The following ADAD2 variants were observed in gnomAD, a reference collection of about 807,000 sequenced individuals.
ADAD2 encodes the protein adenosine deaminase domain-containing protein 2.
A neutral mutation model predicts 54.5 loss-of-function variants in ADAD2; 60 were observed. The ratio of observed to expected loss-of-function variants is 1.10; its 90% CI spans 0.89 to 1.36. The LOEUF (loss-of-function observed/expected upper bound fraction) is 1.36. Ranked by LOEUF, ADAD2 falls within the 40% of genes most tolerant of loss-of-function variation. The pLI, the probability that ADAD2 is intolerant of heterozygous loss-of-function variation, is 0.00. For synonymous variants in ADAD2, 543 were observed against 366.2 expected, an observed-to-expected ratio of 1.48 and a Z score of -5.51; for missense variants, 1,103 against 801.3, an observed-to-expected ratio of 1.38 and a Z score of -4.54.
In ADAD2 at chr16:84,191,646, C is replaced by G. The variant is rs1304451070; in HGVS notation, c.416C>G (p.Pro139Arg). The change falls in exon 1 of 10, where the codon CCA (proline) becomes CGA (arginine). Residue 139 changes from proline (P) to arginine (R), a missense_variant and splice_region_variant. Physicochemically the swap from Pro to Arg is moderately radical, Grantham distance 103 (BLOSUM62 -2). Transcript: ENST00000315906. ...CTGCTCTTCCGGGAGGACCAGCCACCAGGTGAGGCCGGGCCGGGGCATGGC... is the reference window on the plus strand; with the variant it reads ...CTGCTCTTCCGGGAGGACCAGCCACGAGGTGAGGCCGGGCCGGGGCATGGC... ...IFLLFREDQP[P>R]GPCFPFSVSA... is the part of the protein sequence containing the mutation. 1 of 1,557,500 alleles carries G rather than the reference C, an allele frequency of 6.4e-7. No homozygotes were observed. The highest frequency in any genetic ancestry group is 8.7e-7 in the Non-Finnish European group (1 of 1,151,082).
chr16:84,191,457 G>A lies in ADAD2; in HGVS notation c.227G>A (p.Gly76Glu). 2.0e-6 allele frequency: 3 copies of A among 1,527,884 alleles called. No individual in the cohort carries two copies. In the South Asian group the frequency reaches 3.6e-5, roughly 18 times the overall value. The allele number at this position is 1,527,884 out of a possible 1,614,324, so 94.6% of individuals were successfully genotyped here. ...DSGPGAGAGV[G>E]ELGAARAWEN... ...GGGCCTGGGGCAGGGGCCGGAGTCG[G>A]GGAACTGGGGGCAGCCCGGGCGTGG... The change falls in exon 1 of 10, where the codon GGG becomes GAG. Residue 76 changes from glycine (G) to glutamate (E), a missense_variant. Physicochemically the swap from Gly to Glu is moderately conservative, Grantham distance 98. Coordinates refer to ENST00000315906, the MANE Select transcript of ADAD2 (RefSeq NM_001145400.2).
chr16:84,193,459 T>G (rs2151326544), intron 1 of ADAD2: 1 of 152,822 alleles, frequency 6.5e-6, no homozygotes, highest in East Asian at 1.9e-4. Flanking sequence ...TCAGGTGATG[T>G]GTTATTGAAG....
chr16:84,195,065 G>T lies in ADAD2; in HGVS notation c.608-4G>T. 2.5e-6 allele frequency: 4 copies of T among 1,613,110 alleles called. No homozygotes were observed. The highest frequency in any genetic ancestry group is 1.1e-5 in the South Asian group (1 of 90,992). Reference sequence around the variant, plus strand: ...TCTACCTGCAGTCTCTCGCCCTGGCGCAGAGAACATCCTGACCCATGAGCA... The same window carrying T: ...TCTACCTGCAGTCTCTCGCCCTGGCTCAGAGAACATCCTGACCCATGAGCA... On this transcript the variant is annotated splice_polypyrimidine_tract_variant and splice_region_variant and intron_variant, in intron 3 of 9. Coordinates refer to ENST00000315906, the MANE Select transcript of ADAD2 (RefSeq NM_001145400.2).
Position 84,196,713 on chromosome 16 carries a change from C to A in ADAD2, c.1593C>A (p.Ala531=). 1 of 1,613,238 alleles carries A rather than the reference C, an allele frequency of 6.2e-7. No individual in the cohort carries two copies. Among genetic ancestry groups the A allele is most frequent in the Non-Finnish European group, 8.5e-7 (1 of 1,179,976 alleles). ...TTCTCCGGGCCTTTCACCAGGCGGC[C>A]AGGGCTGTGGGGAAGCCCTACCTCC... ...ASFLRAFHQA[A]RAVGKPYLLA... is the part of the protein sequence containing the mutation. Residue 531 remains alanine, a synonymous_variant, in exon 9 of 10, where the codon GCC becomes GCA. Transcript: ENST00000315906.
In ADAD2 at chr16:84,195,668, C is replaced by T; in HGVS notation, c.1023C>T (p.Asn341=). The change falls in exon 6 of 10, where the codon AAC becomes AAT. Residue 341 remains asparagine, a synonymous_variant. Transcript: ENST00000315906. ...PRVFLHLYIS[N]TPKGAARDIY... is the part of the protein sequence containing the mutation. ...TCTTCCTGCACCTCTACATCAGCAA[C>T]ACCCCCAAGGGCGCGGCCCGTGACA... The T allele has an allele frequency of 6.3e-7, 1 of 1,580,176 alleles. No individual in the cohort carries two copies. Among genetic ancestry groups the T allele is most frequent in the South Asian group, 1.2e-5 (1 of 86,020 alleles).
At position 84,195,822 on chromosome 16, in the gene ADAD2, C is replaced by G. The variant is rs2089721509; in HGVS notation, c.1060C>G (p.Pro354Ala). The G allele has an allele frequency of 4.4e-6, 7 of 1,604,492 alleles. No individual in the cohort carries two copies. Among genetic ancestry groups the G allele is most frequent in the Non-Finnish European group, 3.4e-6 (4 of 1,176,264 alleles). Residue 354 changes from proline to alanine, a missense_variant, in exon 7 of 10, where the codon CCC (proline) becomes GCC (alanine). Physicochemically the swap from Pro to Ala is conservative, Grantham distance 27. Transcript: ENST00000315906. ...TCCCCACCCGGCCCGCAGCCTGCCC[C>G]CCACCTCGGAAGGTGGCCTCCCGCA... ...KGAARDIYLPPTSEGGLPHSP... is the reference protein window; with the variant it reads ...KGAARDIYLPATSEGGLPHSP...
Position 84,191,204 on chromosome 16 carries a change from TA to T in ADAD2, c.-26del. ...GGCGAGAGCAGCGCGAGATAGGGCC[TA>T]GCGCCTCAGATCTTCGTTGGCGGCC... is the stretch of plus-strand genomic sequence containing the variant. On this transcript the variant is annotated 5_prime_UTR_variant, in exon 1 of 10. Coordinates refer to ENST00000315906, the MANE Select transcript of ADAD2 (RefSeq NM_001145400.2). The T allele has an allele frequency of 6.2e-7, 1 of 1,601,372 alleles. No homozygotes were observed. The highest frequency in any genetic ancestry group is 8.5e-7 in the Non-Finnish European group (1 of 1,172,760).
Position 84,195,929 on chromosome 16 carries a change from C to G in ADAD2, c.1167C>G (p.Thr389=), listed in dbSNP as rs1434865852. 3 of 1,599,750 alleles carry G rather than the reference C, an allele frequency of 1.9e-6. No individual in the cohort carries two copies. Among genetic ancestry groups the G allele is most frequent in the East Asian group, 2.2e-5 (1 of 44,818 alleles). The change falls in exon 7 of 10, where the codon ACC becomes ACG. Residue 389 remains threonine, a synonymous_variant. Coordinates refer to ENST00000315906, the MANE Select transcript of ADAD2 (RefSeq NM_001145400.2). Reference sequence around the variant, plus strand: ...ACGTGGCGCCCTCGCTCTGTGACACCCACGTGGGCTGCCTGTCAGCCAGTG... The same window carrying G: ...ACGTGGCGCCCTCGCTCTGTGACACGCACGTGGGCTGCCTGTCAGCCAGTG... The part of the protein sequence containing the change: ...VCYVAPSLCD[T]HVGCLSASDK...
intron 1 of ADAD2, chr16:84,194,054 T>A: frequency 6.2e-7 from 1 of 1,607,702 alleles, no homozygotes; most frequent in Non-Finnish European, 8.5e-7. Flanking sequence ...TTGAAAGCAA[T>A]GTGTCTGTGG....
intron 1 of ADAD2, chr16:84,193,867 G>C: frequency 1.1e-6 from 1 of 920,840 alleles, no homozygotes; most frequent in Non-Finnish European, 1.6e-6. Context: ...AACCCCCAGA[G>C]GGGCAGTCCT....
At chr16:84,194,028 C>G in intron 1 of ADAD2, 3 of 1,600,786 alleles carry the variant, frequency 1.9e-6, no homozygotes, top group Non-Finnish European at 2.6e-6. Flanking sequence ...AATATAGAGC[C>G]CCTGGAGGAG....
At position 84,195,911 on chromosome 16, in the gene ADAD2, G is replaced by T. The variant is rs567274782; in HGVS notation, c.1149G>T (p.Ala383=). The change falls in exon 7 of 10, where the codon GCG becomes GCT. Residue 383 remains alanine, a synonymous_variant. Coordinates refer to ENST00000315906, the MANE Select transcript of ADAD2 (RefSeq NM_001145400.2). The part of the protein sequence containing the change: ...LGQLKPVCYV[A]PSLCDTHVGC... ...AGCTGAAGCCTGTGTGCTACGTGGCGCCCTCGCTCTGTGACACCCACGTGG... is the reference window on the plus strand; with the variant it reads ...AGCTGAAGCCTGTGTGCTACGTGGCTCCCTCGCTCTGTGACACCCACGTGG... The T allele has an allele frequency of 1.9e-6, 3 of 1,600,626 alleles. No individual in the cohort carries two copies. The highest frequency in any genetic ancestry group is 2.5e-6 in the Non-Finnish European group (3 of 1,179,614).
rs138265121 is a variant in ADAD2, at chr16:84,196,225, C to G, written c.1381C>G (p.Arg461Gly). The G allele has an allele frequency of 6.2e-7, 1 of 1,611,284 alleles. No individual in the cohort carries two copies. Among genetic ancestry groups the G allele is most frequent in the African/African-American group, 1.3e-5 (1 of 74,892 alleles). The change falls in exon 8 of 10, where the codon CGG (arginine) becomes GGG (glycine). Residue 461 changes from arginine (R) to glycine (G), a missense_variant. Coordinates refer to ENST00000315906, the MANE Select transcript of ADAD2 (RefSeq NM_001145400.2). ...LGPCLPPPYV[R>G]TALHLFAGPP... Reference sequence around the variant, plus strand: ...GCCATGCCTGCCACCTCCCTACGTCCGGACCGCCCTGCACCTGTTTGCAGG... The same window carrying G: ...GCCATGCCTGCCACCTCCCTACGTCGGGACCGCCCTGCACCTGTTTGCAGG...
chr16:84,195,707 G>GC lies in ADAD2; in HGVS notation c.1052+15dup, dbSNP rs758700262. 5 of 1,534,632 alleles carry GC rather than the reference G, an allele frequency of 3.3e-6. No individual in the cohort carries two copies. The highest frequency in any genetic ancestry group is 2.5e-5 in the South Asian group (2 of 79,910). ...CGGCCCGTGACATCTAGTATGCAGG[G>GC]CCCCCGGGGCAGGCGGGGGATGGGG... On this transcript the variant is annotated intron_variant, in intron 6 of 9. Transcript: ENST00000315906.
rs781428906 is a variant in ADAD2 at position 84,193,983 on chromosome 16, C to G, written c.419-459C>G. 5 of 1,547,562 alleles carry G rather than the reference C, an allele frequency of 3.2e-6. No homozygotes were observed. The South Asian group carries it at 4.9e-5, about 15-fold the overall frequency. ...TCTCTCTTTTGTGTTATAAGTAACA[C>G]CCAAAATGATACTGTTTCATAGGAA... On this transcript the variant is annotated intron_variant, in intron 1 of 9. Coordinates refer to ENST00000315906, the MANE Select transcript of ADAD2 (RefSeq NM_001145400.2).
rs781510302 is a variant in ADAD2 at position 84,195,118 on chromosome 16, C to G, written c.657C>G (p.Gly219=). The stretch of plus-strand genomic sequence containing the variant: ...GCTGCGCAGCGTTGGTGAGCGCCGG[C>G]TTTGACCTCCTGTTGGACGAGCGCT... The part of the protein sequence containing the change: ...EQRCAALVSA[G]FDLLLDERSP... Residue 219 remains glycine (G), a synonymous_variant, in exon 4 of 10, where the codon GGC becomes GGG. Transcript: ENST00000315906. 32 of 1,613,604 alleles carry G rather than the reference C, an allele frequency of 2.0e-5. No individual in the cohort carries two copies. Among genetic ancestry groups the G allele is most frequent in the Non-Finnish European group, 2.7e-5 (32 of 1,180,014 alleles).
intron 1 of ADAD2, chr16:84,193,715 T>G: frequency 3.2e-6 from 1 of 313,356 alleles, no homozygotes. Flanking sequence ...TCAGTCGCTG[T>G]TAGGATGGCA....
chr16:84,191,251 C>A lies in ADAD2; in HGVS notation c.21C>A (p.Gly7=), dbSNP rs1230476787. 21 of 1,607,638 alleles carry A rather than the reference C, an allele frequency of 1.3e-5. No homozygotes were observed. The highest frequency in any genetic ancestry group is 1.8e-5 in the Non-Finnish European group (21 of 1,177,268). The change falls in exon 1 of 10, where the codon GGC becomes GGA. Residue 7 remains glycine (G), a synonymous_variant. Coordinates refer to ENST00000315906, the MANE Select transcript of ADAD2 (RefSeq NM_001145400.2). Reference sequence around the variant, plus strand: ...CGGCCATGGCTTCGGCTTCTCAGGGCGCTGACGACGACGGCAGTCGTAGGA... The same window carrying A: ...CGGCCATGGCTTCGGCTTCTCAGGGAGCTGACGACGACGGCAGTCGTAGGA... The part of the protein sequence containing the change: MASASQ[G]ADDDGSRRKP...
chr16:84,193,183 C>T (rs1338387086), intron 1 of ADAD2: 2 of 149,790 alleles, frequency 1.3e-5, no homozygotes, highest in Non-Finnish European at 1.5e-5. Context: ...ATACAATTAT[C>T]AAATCCTGGA....
Sources: gnomAD v4.1 joint callset for allele counts on GRCh38, gnomAD v4.1.1 for gene constraint, MANE v1.5 for transcripts, NCBI Gene and HGNC (gene_info 2026-07-23, HGNC 2026-07-21) for gene names.